The following RIMS2 variants were observed in gnomAD, a reference collection of about 807,000 sequenced individuals.
The protein encoded by RIMS2 is regulating synaptic membrane exocytosis protein 2.
RIMS2 carries 59 observed loss-of-function variants against 174.4 expected under a neutral mutation model. That is an observed-to-expected ratio of 0.34 (90% CI 0.27 to 0.42). The LOEUF (loss-of-function observed/expected upper bound fraction) is 0.42, where lower values mean the gene tolerates loss of function less well. RIMS2 is among the 10% of genes least tolerant of loss of function. RIMS2 has a pLI of 1.00. For synonymous variants in RIMS2, 606 were observed against 572.5 expected (o/e 1.06, Z -0.84); for missense variants, 1,620 against 1,666.3 (o/e 0.97, Z 0.48).
At chr8:104,077,637 C>T (rs1039671385) in intron 19 of RIMS2, among the ~76,000 whole-genome samples, 45 of 143,682 alleles carry the variant, frequency 3.1e-4, no homozygotes, top group African/African-American at 9.8e-4. Flanking sequence ...ATAATTTATA[C>T]ATCTGTGTTT....
chr8:103,593,014 G>C lies in RIMS2; in HGVS notation c.176+91952G>C, dbSNP rs183955533. 4.2e-3 allele frequency among the ~76,000 whole-genome samples: 641 copies of C among 151,392 alleles called. 4 individuals carry two copies. Among genetic ancestry groups the C allele is most frequent in the African/African-American group, 0.015 (612 of 41,476 alleles). ...TTTTCATGGGACTCAATTTTTATTTGAAAGAAGTGCCAAACTATTGTTATT... is the reference window on the plus strand; with the variant it reads ...TTTTCATGGGACTCAATTTTTATTTCAAAGAAGTGCCAAACTATTGTTATT... On this transcript the variant is annotated intron_variant, in intron 1 of 23. Coordinates refer to ENST00000504942, the Ensembl canonical transcript of RIMS2.
At chr8:103,545,280 G>A (rs946550647) in intron 1 of RIMS2, among the ~76,000 whole-genome samples, 1 of 152,034 alleles carries the variant, frequency 6.6e-6, no homozygotes. Flanking sequence ...GAATCTCAGA[G>A]GTGAAAGACC....
intron 19 of RIMS2, among the ~76,000 whole-genome samples, chr8:104,158,627 T>C (rs2098740652): frequency 6.6e-6 from 1 of 152,222 alleles, no homozygotes; most frequent in Non-Finnish European, 1.5e-5. Flanking sequence ...GTGGTTTTGA[T>C]TTGCATTTCT....
At chr8:103,917,279 G>C (rs2076793548) in intron 8 of RIMS2, among the ~76,000 whole-genome samples, 2 of 152,008 alleles carry the variant, frequency 1.3e-5, no homozygotes, top group South Asian at 4.2e-4. Context: ...GTAATGTCCA[G>C]TTTTAATTCA....
chr8:103,805,561 A>G (rs945492883), intron 3 of RIMS2, among the ~76,000 whole-genome samples: 1 of 152,120 alleles, frequency 6.6e-6, no homozygotes, highest in East Asian at 1.9e-4. Context: ...AGGTCTTTCA[A>G]GGTTGGTTTG....
intron 18 of RIMS2, among the ~76,000 whole-genome samples, 179 bp from the exon 21 acceptor site, chr8:104,014,327 A>G (rs1213884757): frequency 6.6e-6 from 1 of 152,196 alleles, no homozygotes; most frequent in Non-Finnish European, 1.5e-5. Context: ...CCAAAAATAA[A>G]CATCTTTTGC....
At chr8:103,568,334 A>G (rs377012714) in intron 1 of RIMS2, among the ~76,000 whole-genome samples, 135 of 152,256 alleles carry the variant, frequency 8.9e-4, no homozygotes, top group African/African-American at 3.1e-3. Context: ...AAAATAAATT[A>G]AAATTATGGT....
chr8:104,227,563 A>G (rs900549660), intron 19 of RIMS2, among the ~76,000 whole-genome samples: 19 of 152,192 alleles, frequency 1.2e-4, no homozygotes, highest in African/African-American at 3.9e-4. Flanking sequence ...CCATAGATCC[A>G]AGGGCAAATG....
At chr8:104,068,366 TA>T (rs2097139528) in intron 19 of RIMS2, 145 bp from the exon 23 acceptor site, 3 of 411,866 alleles carry the variant, frequency 7.3e-6, no homozygotes, top group South Asian at 9.2e-5. Flanking sequence ...AATAAATCTG[TA>T]AAATAATATG....
At chr8:104,130,544 G>T (rs1430630245) in intron 19 of RIMS2, among the ~76,000 whole-genome samples, 1 of 152,104 alleles carries the variant, frequency 6.6e-6, no homozygotes, top group Non-Finnish European at 1.5e-5. Flanking sequence ...CTCAAAATGG[G>T]CTTGGGAGCC....
chr8:104,181,864 G>A (rs1403051388), intron 19 of RIMS2, among the ~76,000 whole-genome samples: 1 of 151,628 alleles, frequency 6.6e-6, no homozygotes, highest in African/African-American at 2.4e-5. Context: ...TGTTTACATA[G>A]CCTTTTATTT....
intron 3 of RIMS2, among the ~76,000 whole-genome samples, chr8:103,783,678 T>G (rs1277356990): frequency 6.6e-6 from 1 of 152,046 alleles, no homozygotes; most frequent in Non-Finnish European, 1.5e-5. Flanking sequence ...TGTGGGACAT[T>G]TGGGTTGGTT....
chr8:104,152,759 G>A (rs1000760305), intron 19 of RIMS2, among the ~76,000 whole-genome samples: 3 of 151,892 alleles, frequency 2.0e-5, no homozygotes, highest in Admixed American at 2.0e-4. Context: ...GAAATTCTTT[G>A]TGTGTTTTCA....
At chr8:103,945,426 C>T (rs2083479974) in intron 14 of RIMS2, among the ~76,000 whole-genome samples, 1 of 151,938 alleles carries the variant, frequency 6.6e-6, no homozygotes, top group African/African-American at 2.4e-5. Context: ...GAATACCCAC[C>T]AAATCATTCT....
intron 1 of RIMS2, among the ~76,000 whole-genome samples, chr8:103,548,367 A>G (rs542162832): frequency 1.1e-4 from 17 of 152,366 alleles, no homozygotes; most frequent in African/African-American, 3.6e-4. Flanking sequence ...ACATATGCCA[A>G]TCAATAAATG....
intron 17 of RIMS2, among the ~76,000 whole-genome samples, chr8:104,008,827 T>G (rs1437595440): frequency 6.6e-6 from 1 of 152,064 alleles, no homozygotes; most frequent in Non-Finnish European, 1.5e-5. Flanking sequence ...TATTTACTTT[T>G]AACTAACATA....
intron 19 of RIMS2, among the ~76,000 whole-genome samples, chr8:104,165,747 T>G (rs889092709): frequency 1.3e-5 from 2 of 152,122 alleles, no homozygotes; most frequent in Non-Finnish European, 2.9e-5. Context: ...TCCATTTTTA[T>G]CAAATATTGC....
At chr8:103,958,564 T>G (rs1442427874) in intron 14 of RIMS2, among the ~76,000 whole-genome samples, 1 of 151,976 alleles carries the variant, frequency 6.6e-6, no homozygotes, top group South Asian at 2.1e-4. Context: ...AATAAAAGTT[T>G]AAAAAAGAAT....
intron 2 of RIMS2, among the ~76,000 whole-genome samples, chr8:103,752,865 T>C (rs1368646647): frequency 6.6e-6 from 1 of 152,176 alleles, no homozygotes; most frequent in Admixed American, 6.5e-5. Flanking sequence ...ATATATACAA[T>C]CATGTCATCT....
Sources: allele counts gnomAD v4.1 joint callset (sites outside exome capture counted in the v4.1 genomes callset), GRCh38; gene constraint gnomAD v4.1.1; transcripts MANE v1.5; gene names NCBI Gene and HGNC (gene_info 2026-07-23, HGNC 2026-07-21).